The following NEO1 variants were observed in gnomAD, a reference collection of about 807,000 sequenced individuals.
NEO1 encodes neogenin.
Under a neutral mutation model 159.7 loss-of-function variants are expected in NEO1, and 63 were observed. The ratio of observed to expected loss-of-function variants is 0.39; its 90% confidence interval spans 0.32 to 0.49. The LOEUF is 0.49. NEO1 is among the 20% of genes least tolerant of loss of function. The pLI is 0.85. For missense variants in NEO1, 1,615 were observed against 1,831.0 expected, an observed-to-expected ratio of 0.88 and a Z score of 2.15; for synonymous variants, 633 against 662.0, an observed-to-expected ratio of 0.96 and a Z score of 0.67.
chr15:73,262,633 A>G (rs935856213), intron 15 of NEO1, among the ~76,000 whole-genome samples: 3 of 152,230 alleles, frequency 2.0e-5, no homozygotes, highest in African/African-American at 7.2e-5. Context: ...CAGAACTGGA[A>G]TGCTCATACT....
At chr15:73,178,962 G>A (rs1357575537) in intron 7 of NEO1, among the ~76,000 whole-genome samples, 1 of 151,862 alleles carries the variant, frequency 6.6e-6, no homozygotes, top group East Asian at 1.9e-4. Context: ...TCAAATCCAC[G>A]TTTCTTAGAA....
At chr15:73,089,398 A>G (rs1453808777) in intron 1 of NEO1, among the ~76,000 whole-genome samples, 1 of 152,086 alleles carries the variant, frequency 6.6e-6, no homozygotes, top group Non-Finnish European at 1.5e-5. Context: ...TTTTTTCTGC[A>G]TATAAATGAA....
At chr15:73,289,498 G>C (rs1341597434) in intron 25 of NEO1, among the ~76,000 whole-genome samples, 1 of 152,156 alleles carries the variant, frequency 6.6e-6, no homozygotes, top group African/African-American at 2.4e-5. Flanking sequence ...GGAGTAACTA[G>C]TCTCCCTAAA....
chr15:73,247,977 G>C (rs1413802463), intron 9 of NEO1, among the ~76,000 whole-genome samples: 6 of 152,086 alleles, frequency 3.9e-5, no homozygotes, highest in Non-Finnish European at 8.8e-5. Context: ...GTCTTCTTGA[G>C]CCCACGTTTT....
In NEO1 at chr15:73,288,544, A is replaced by G. The variant is rs2042036185; in HGVS notation, c.3642A>G (p.Ser1214=). 1 of 1,612,116 alleles carries G rather than the reference A, an allele frequency of 6.2e-7. No individual in the cohort carries two copies. The highest frequency in any genetic ancestry group is 1.1e-5 in the South Asian group (1 of 91,042). Residue 1214 remains serine (S), a synonymous_variant, in exon 24 of 29, where the codon TCA becomes TCG. Transcript: ENST00000261908. Reference sequence around the variant, plus strand: ...GCAATATCCATCAAAGGCGAAATTCATACAGAGGTACCATTTTAAGTGCAG... The same window carrying G: ...GCAATATCCATCAAAGGCGAAATTCGTACAGAGGTACCATTTTAAGTGCAG... ...MDSNIHQRRN[S]YRGHESEDSM...
At chr15:73,083,034 G>T (rs2069153098) in intron 1 of NEO1, among the ~76,000 whole-genome samples, 2 of 152,176 alleles carry the variant, frequency 1.3e-5, no homozygotes, top group South Asian at 4.1e-4. Context: ...TGAGAGAAGG[G>T]ACTGTGGTGT....
intron 7 of NEO1, among the ~76,000 whole-genome samples, chr15:73,205,052 GT>G (rs1259392114): frequency 2.0e-5 from 3 of 152,136 alleles, no homozygotes; most frequent in African/African-American, 7.2e-5. Flanking sequence ...TTTTCTTGCA[GT>G]TCTTTCAGCT....
At chr15:73,170,336 A>AATTTT (rs1441530532) in intron 5 of NEO1, among the ~76,000 whole-genome samples, 4 of 152,208 alleles carry the variant, frequency 2.6e-5, no homozygotes, top group Admixed American at 6.5e-5. Context: ...TGAGATACAG[A>AATTTT]TGTAAAATTA....
At chr15:73,208,118 G>A in intron 7 of NEO1, among the ~76,000 whole-genome samples, 1 of 152,224 alleles carries the variant, frequency 6.6e-6, no homozygotes, top group East Asian at 1.9e-4. Context: ...CAAATTAAAA[G>A]TAGGCATCAA....
chr15:73,170,071 G>T (rs905616935), intron 5 of NEO1, among the ~76,000 whole-genome samples: 30 of 151,992 alleles, frequency 2.0e-4, no homozygotes, highest in African/African-American at 7.0e-4. Context: ...GACTCCAAAG[G>T]TGTATCCAGT....
intron 16 of NEO1, among the ~76,000 whole-genome samples, chr15:73,266,764 T>C (rs2040919862): frequency 6.6e-6 from 1 of 152,202 alleles, no homozygotes; most frequent in African/African-American, 2.4e-5. Flanking sequence ...TGTAGGTTAC[T>C]GACGGTGGCA....
intron 8 of NEO1, among the ~76,000 whole-genome samples, chr15:73,239,276 A>G (rs577146382): frequency 2.0e-5 from 3 of 152,170 alleles, no homozygotes; most frequent in African/African-American, 4.8e-5. Context: ...TAGTCTAGGG[A>G]AGGTGATTTG....
intron 1 of NEO1, among the ~76,000 whole-genome samples, chr15:73,110,905 A>G (rs2070944577): frequency 6.6e-6 from 1 of 152,148 alleles, no homozygotes; most frequent in Admixed American, 6.6e-5. Flanking sequence ...GGTAAAGAAA[A>G]TGATGATAGA....
At chr15:73,056,396 G>C (rs1429783532) in intron 1 of NEO1, among the ~76,000 whole-genome samples, 1 of 152,184 alleles carries the variant, frequency 6.6e-6, no homozygotes, top group Non-Finnish European at 1.5e-5. Context: ...AGCTTCCTGA[G>C]TACTTTTCAT....
At chr15:73,231,839 T>C (rs149065092) in intron 7 of NEO1, among the ~76,000 whole-genome samples, 2 of 152,300 alleles carry the variant, frequency 1.3e-5, no homozygotes, top group Admixed American at 6.5e-5. Context: ...AATAAAGTTC[T>C]TTGTCTCTGA....
At chr15:73,172,990 G>A (rs548167826) in intron 5 of NEO1, among the ~76,000 whole-genome samples, 2 of 152,312 alleles carry the variant, frequency 1.3e-5, no homozygotes, top group South Asian at 4.1e-4. Flanking sequence ...TGGCACGAGT[G>A]ACTGCATTTT....
At chr15:73,298,055 A>G (rs1456645141) in intron 26 of NEO1, among the ~76,000 whole-genome samples, 2 of 152,228 alleles carry the variant, frequency 1.3e-5, no homozygotes, top group African/African-American at 4.8e-5. Flanking sequence ...TATCTTAGTC[A>G]TCTCAGGAAC....
chr15:73,260,591 A>G, intron 15 of NEO1, 126 bp downstream of exon 15: 1 of 849,166 alleles, frequency 1.2e-6, no homozygotes, highest in Non-Finnish European at 1.7e-6. Context: ...CATGTTATTC[A>G]CCTGAATTCC....
intron 1 of NEO1, among the ~76,000 whole-genome samples, chr15:73,115,360 C>T (rs2071249305): frequency 6.6e-6 from 1 of 152,086 alleles, no homozygotes; most frequent in East Asian, 1.9e-4. Context: ...CTAATACCTG[C>T]TTGTGGTGTT....
Sources: gnomAD v4.1 joint callset for allele counts (sites outside exome capture counted in the v4.1 genomes callset) on GRCh38, gnomAD v4.1.1 for gene constraint, MANE v1.5 for transcripts, NCBI Gene and HGNC (gene_info 2026-07-23, HGNC 2026-07-21) for gene names.